Variants in RIMS2 observed in about 807,000 individuals in gnomAD.
The protein encoded by RIMS2 is regulating synaptic membrane exocytosis 2, also known as regulating synaptic membrane exocytosis protein 2.
A neutral mutation model predicts 174.4 loss-of-function variants in RIMS2; 59 were observed. The ratio of observed to expected loss-of-function variants is 0.34; its 90% CI spans 0.27 to 0.42. RIMS2 has a LOEUF of 0.42. RIMS2 is among the 10% of genes least tolerant of loss of function. RIMS2 has a pLI of 1.00. For synonymous variants in RIMS2, 606 were observed against 572.5 expected, an observed-to-expected ratio of 1.06 and a Z score of -0.84; for missense variants, 1,620 against 1,666.3, an observed-to-expected ratio of 0.97 and a Z score of 0.48.
At chr8:103,564,003 T>C (rs1056202650) in intron 1 of RIMS2, among the ~76,000 whole-genome samples, 23 of 152,244 alleles carry the variant, frequency 1.5e-4, no homozygotes, top group African/African-American at 5.1e-4. Context: ...CCACAACACA[T>C]GGGAATTCAA....
rs187686641 is a variant in RIMS2 at position 103,792,535 on chromosome 8, C to G, written c.698+25998C>G. ...AACTAGAGAAACAAGAGCAAACACA[C>G]TCAAAAGCTAGCAGAAGGCAAGAAA... On this transcript the variant is annotated intron_variant, in intron 3 of 23. Coordinates refer to ENST00000504942, the Ensembl canonical transcript of RIMS2. Among the ~76,000 whole-genome samples the G allele has an allele frequency of 1.9e-3, 287 of 151,636 alleles. 2 individuals carry two copies. Among genetic ancestry groups the G allele is most frequent in the Non-Finnish European group, 1.2e-3 (84 of 67,922 alleles).
chr8:104,138,672 C>A lies in RIMS2; in HGVS notation c.3335-106244C>A, dbSNP rs549690166. On this transcript the variant is annotated intron_variant, in intron 19 of 23. Coordinates refer to ENST00000504942, the Ensembl canonical transcript of RIMS2. Reference sequence around the variant, plus strand: ...TCCTTGTATATTCTGGTTATTAATCCCTTGTCAGACGGGTAGTTTGCAAAT... The same window carrying A: ...TCCTTGTATATTCTGGTTATTAATCACTTGTCAGACGGGTAGTTTGCAAAT... Among the ~76,000 whole-genome samples, 9 of 151,948 alleles carry A rather than the reference C, an allele frequency of 5.9e-5. No homozygotes were observed. The South Asian group carries it at 1.9e-3, about 32-fold the overall frequency.
At chr8:103,835,696 A>G (rs937533563) in intron 3 of RIMS2, among the ~76,000 whole-genome samples, 3 of 152,210 alleles carry the variant, frequency 2.0e-5, no homozygotes, top group African/African-American at 7.2e-5. Context: ...GCTGGTAGGA[A>G]TTATATATGT....
intron 3 of RIMS2, among the ~76,000 whole-genome samples, chr8:103,786,639 T>C (rs1365790233): frequency 6.6e-6 from 1 of 152,220 alleles, no homozygotes; most frequent in Admixed American, 6.5e-5. Context: ...TGAGAGATAG[T>C]TTGTTATAAT....
At chr8:103,768,730 G>T (rs2098211544) in intron 3 of RIMS2, 1 of 765,758 alleles carries the variant, frequency 1.3e-6, no homozygotes. Context: ...CTCTAAAGAA[G>T]ATGATGTCCA....
At chr8:104,079,632 T>C in intron 19 of RIMS2, among the ~76,000 whole-genome samples, 1 of 116,182 alleles carries the variant, frequency 8.6e-6, no homozygotes, top group South Asian at 3.0e-4. Flanking sequence ...TATATATATA[T>C]ATATATATAT....
chr8:103,809,801 C>A (rs1249397455), intron 3 of RIMS2, among the ~76,000 whole-genome samples: 1 of 152,070 alleles, frequency 6.6e-6, no homozygotes, highest in African/African-American at 2.4e-5. Context: ...ACTGTGGAGG[C>A]ATATTTGAAA....
intron 10 of RIMS2, among the ~76,000 whole-genome samples, chr8:103,924,790 T>C (rs576312347): frequency 6.6e-6 from 1 of 151,858 alleles, no homozygotes; most frequent in South Asian, 2.1e-4. Flanking sequence ...GTTGTTTACA[T>C]TTTCATGCTC....
chr8:104,069,756 C>T (rs546712183), intron 19 of RIMS2, among the ~76,000 whole-genome samples: 7 of 152,240 alleles, frequency 4.6e-5, no homozygotes, highest in East Asian at 3.9e-4. Context: ...TGAGCCACTG[C>T]GCCCGGCCTA....
chr8:103,810,440 T>C (rs570420425), intron 3 of RIMS2, among the ~76,000 whole-genome samples: 35 of 152,302 alleles, frequency 2.3e-4, no homozygotes, highest in Non-Finnish European at 4.9e-4. Context: ...TTTAATTGAA[T>C]GTATTATATA....
intron 19 of RIMS2, among the ~76,000 whole-genome samples, chr8:104,167,411 C>T (rs2098804305): frequency 6.6e-6 from 1 of 152,104 alleles, no homozygotes; most frequent in Non-Finnish European, 1.5e-5. Flanking sequence ...TTTTAATTTG[C>T]ATTTTCCTGA....
intron 1 of RIMS2, among the ~76,000 whole-genome samples, chr8:103,605,967 A>C (rs1046790553): frequency 1.4e-5 from 2 of 145,832 alleles, no homozygotes; most frequent in Non-Finnish European, 3.0e-5. Context: ...GGATTAATTA[A>C]TTTTTTGAAG....
At chr8:103,530,923 G>T (rs1252291250) in intron 1 of RIMS2, among the ~76,000 whole-genome samples, 1 of 151,778 alleles carries the variant, frequency 6.6e-6, no homozygotes. Flanking sequence ...AAAATTTAAT[G>T]ACCTTAACTT....
intron 19 of RIMS2, among the ~76,000 whole-genome samples, chr8:104,042,915 TG>T (rs2154557835): frequency 6.6e-6 from 1 of 151,524 alleles, no homozygotes; most frequent in Non-Finnish European, 1.5e-5. Context: ...AATCAAAATT[TG>T]GGGATCACCA....
chr8:103,850,545 CA>C (rs890836019), intron 3 of RIMS2, among the ~76,000 whole-genome samples: 1 of 151,934 alleles, frequency 6.6e-6, no homozygotes, highest in African/African-American at 2.4e-5. Context: ...TTTAGTTCTC[CA>C]ATGAATGCCA....
At chr8:104,173,832 G>A (rs1219218213) in intron 19 of RIMS2, among the ~76,000 whole-genome samples, 1 of 150,936 alleles carries the variant, frequency 6.6e-6, no homozygotes, top group East Asian at 1.9e-4. Context: ...GTTTCACAGT[G>A]TTAGCCAGGC....
chr8:103,647,193 G>A (rs1343789003), intron 1 of RIMS2, among the ~76,000 whole-genome samples: 3 of 152,134 alleles, frequency 2.0e-5, no homozygotes, highest in Non-Finnish European at 4.4e-5. Context: ...ACTTTATCAT[G>A]GTGGATATGC....
At chr8:103,801,141 C>T (rs1461862668) in intron 3 of RIMS2, among the ~76,000 whole-genome samples, 1 of 152,082 alleles carries the variant, frequency 6.6e-6, no homozygotes, top group Non-Finnish European at 1.5e-5. Flanking sequence ...CACACCACCA[C>T]ACTCGGCTAA....
chr8:103,653,507 C>T (rs1417985433), intron 1 of RIMS2, among the ~76,000 whole-genome samples: 2 of 152,112 alleles, frequency 1.3e-5, no homozygotes, highest in Non-Finnish European at 2.9e-5. Flanking sequence ...CTCTGTGCTT[C>T]CTTTTGAATT....
Sources: allele counts gnomAD v4.1 joint callset (sites outside exome capture counted in the v4.1 genomes callset), GRCh38; gene constraint gnomAD v4.1.1; transcripts MANE v1.5; gene names NCBI Gene and HGNC (gene_info 2026-07-23, HGNC 2026-07-21).